TIAM2: variants seen among roughly 807,000 people sequenced by gnomAD.
The protein encoded by TIAM2 is rho guanine nucleotide exchange factor TIAM2.
TIAM2 carries 80 observed loss-of-function variants against 152.9 expected under a neutral mutation model. That is an observed-to-expected ratio of 0.52 (90% CI 0.44 to 0.63). The LOEUF is 0.63. Among genes scored for constraint, TIAM2 ranks in the 30% least tolerant of loss-of-function variants. TIAM2 has a pLI of 0.00. For missense variants in TIAM2, 1,965 were observed against 2,120.1 expected (o/e 0.93, Z 1.44); for synonymous variants, 804 against 838.0 (o/e 0.96, Z 0.70).
chr6:155,127,012 T>G (rs1779311790), intron 2 of TIAM2, among the ~76,000 whole-genome samples: 1 of 152,196 alleles, frequency 6.6e-6, no homozygotes, highest in Non-Finnish European at 1.5e-5. Context: ...TGAGAAAGCT[T>G]TTAATCTCAT....
intron 1 of TIAM2, among the ~76,000 whole-genome samples, chr6:155,047,708 A>C (rs1583167278): frequency 1.1e-5 from 1 of 92,570 alleles, no homozygotes. Flanking sequence ...AGAGAGAGCG[A>C]GAGAGAGAGA....
intron 1 of TIAM2, among the ~76,000 whole-genome samples, chr6:154,998,260 A>C (rs1778254983): frequency 6.6e-6 from 1 of 152,184 alleles, no homozygotes; most frequent in South Asian, 2.1e-4. Context: ...GGCCCTAAAG[A>C]GCTTTGCTCG....
intron 15 of TIAM2, among the ~76,000 whole-genome samples, chr6:155,224,984 C>T (rs1782192278): frequency 6.6e-6 from 1 of 152,178 alleles, no homozygotes; most frequent in Non-Finnish European, 1.5e-5. Context: ...TGAGATGGGT[C>T]TCGCTCTGTC....
At chr6:155,013,236 G>C (rs1251304229) in intron 1 of TIAM2, among the ~76,000 whole-genome samples, 7 of 152,126 alleles carry the variant, frequency 4.6e-5, no homozygotes, top group Admixed American at 4.6e-4. Flanking sequence ...GCTCCTGCAG[G>C]TGTGTGTGCC....
At chr6:155,200,626 C>G (rs1471606905) in intron 14 of TIAM2, among the ~76,000 whole-genome samples, 1 of 152,154 alleles carries the variant, frequency 6.6e-6, no homozygotes, top group Non-Finnish European at 1.5e-5. Context: ...TCTTCAAGGC[C>G]AGGGTCAGTC....
At chr6:155,146,390 A>G (rs1246974634) in intron 6 of TIAM2, among the ~76,000 whole-genome samples, 1 of 152,102 alleles carries the variant, frequency 6.6e-6, no homozygotes, top group Non-Finnish European at 1.5e-5. Context: ...TAGCAACAAC[A>G]ACAACAGAAT....
At chr6:155,234,948 G>T (rs561812615) in intron 15 of TIAM2, among the ~76,000 whole-genome samples, 91 of 151,960 alleles carry the variant, frequency 6.0e-4, no homozygotes, top group Non-Finnish European at 8.4e-4. Flanking sequence ...GGGAGTGGCA[G>T]GGGCTGTGCG....
chr6:155,183,090 T>C (rs1780948380), intron 13 of TIAM2, 147 bp from the exon 14 acceptor site: 11 of 1,013,934 alleles, frequency 1.1e-5, no homozygotes, highest in Non-Finnish European at 1.5e-5. Context: ...CCTGCCACTG[T>C]GCCTGGCTGG....
chr6:155,216,500 C>G (rs1020674754), intron 15 of TIAM2: 4 of 152,332 alleles, frequency 2.6e-5, no homozygotes, highest in Non-Finnish European at 5.9e-5. Context: ...TTGGCTTCTT[C>G]TCTGTAAGGG....
chr6:155,160,430 T>C (rs1780239659), intron 7 of TIAM2, among the ~76,000 whole-genome samples: 1 of 152,160 alleles, frequency 6.6e-6, no homozygotes, highest in Non-Finnish European at 1.5e-5. Context: ...ATTTAAATGT[T>C]AATATCTCCC....
intron 1 of TIAM2, among the ~76,000 whole-genome samples, chr6:155,072,513 G>A (rs1266787084): frequency 6.6e-6 from 1 of 152,154 alleles, no homozygotes; most frequent in East Asian, 1.9e-4. Flanking sequence ...AGAGCGGCTG[G>A]ACAGAGGCAC....
chr6:155,019,510 T>C (rs1776419900), intron 1 of TIAM2, among the ~76,000 whole-genome samples: 1 of 152,158 alleles, frequency 6.6e-6, no homozygotes, highest in African/African-American at 2.4e-5. Context: ...TAAATGAAAC[T>C]CTTAGTTTTG....
At chr6:155,105,574 G>A (rs1239060037) in intron 2 of TIAM2, among the ~76,000 whole-genome samples, 1 of 151,924 alleles carries the variant, frequency 6.6e-6, no homozygotes, top group Non-Finnish European at 1.5e-5. Context: ...TGGACCACAG[G>A]TGTGCACTCC....
At chr6:155,094,885 G>A (rs538234038) in intron 2 of TIAM2, among the ~76,000 whole-genome samples, 3 of 151,544 alleles carry the variant, frequency 2.0e-5, no homozygotes, top group South Asian at 2.1e-4. Flanking sequence ...GCCTGGCTTC[G>A]CTCATATATT....
At chr6:155,137,918 C>A (rs1779592729) in intron 5 of TIAM2, among the ~76,000 whole-genome samples, 1 of 152,138 alleles carries the variant, frequency 6.6e-6, no homozygotes, top group African/African-American at 2.4e-5. Context: ...CTCACTGCAA[C>A]CTCTGCCTCC....
intron 9 of TIAM2, among the ~76,000 whole-genome samples, chr6:155,171,678 A>G (rs924877240): frequency 6.6e-6 from 1 of 152,236 alleles, no homozygotes; most frequent in East Asian, 1.9e-4. Context: ...ATCTGTTTAG[A>G]GAGAATATTA....
At chr6:155,176,628 G>C (rs1780764726) in intron 9 of TIAM2, among the ~76,000 whole-genome samples, 188 bp from the exon 10 acceptor site, 1 of 152,196 alleles carries the variant, frequency 6.6e-6, no homozygotes, top group Non-Finnish European at 1.5e-5. Flanking sequence ...GCTTCCCATG[G>C]CTGCAGTTTC....
At chr6:155,102,010 T>G (rs915873438) in intron 2 of TIAM2, among the ~76,000 whole-genome samples, 16 of 145,538 alleles carry the variant, frequency 1.1e-4, no homozygotes, top group African/African-American at 4.1e-4. Context: ...CTTTTTTTTT[T>G]GAGACACAGT....
Position 155,035,346 on chromosome 6 carries a change from C to T in TIAM2, c.-209+39854C>T, listed in dbSNP as rs189645295. On this transcript the variant is annotated intron_variant, in intron 1 of 26. Transcript: ENST00000682666. ...AAGCGATCCTCCTGCCTCAGCTTCC[C>T]GAGTAGCTGGGACTACAGGTGTGTG... Among the ~76,000 whole-genome samples, 20 of 151,984 alleles carry T rather than the reference C, an allele frequency of 1.3e-4. No homozygotes were observed. In the East Asian group the frequency reaches 3.3e-3, roughly 25 times the overall value.
Sources: gnomAD v4.1 joint callset for allele counts (sites outside exome capture counted in the v4.1 genomes callset) on GRCh38, gnomAD v4.1.1 for gene constraint, MANE v1.5 for transcripts, NCBI Gene and HGNC (gene_info 2026-07-23, HGNC 2026-07-21) for gene names.